CIZ1: variants seen among roughly 807,000 people sequenced by gnomAD.
CIZ1 encodes CDKN1A interacting zinc finger protein 1, also known as cip1-interacting zinc finger protein.
In CIZ1, 58 loss-of-function variants were observed where a neutral mutation model predicts 118.6. The observed-to-expected ratio is 0.49, with a 90% CI of 0.40 to 0.61. CIZ1 has a LOEUF of 0.61. CIZ1 is among the 20% of genes least tolerant of loss of function. The pLI is 0.00. For synonymous variants in CIZ1, 448 were observed against 443.4 expected, an observed-to-expected ratio of 1.01 and a Z score of -0.13; for missense variants, 921 against 1,115.9, an observed-to-expected ratio of 0.83 and a Z score of 2.49.
At chr9:128,180,693 T>A (rs45585631) in intron 6 of CIZ1, 28 bp downstream of exon 6, 5 of 1,543,758 alleles carry the variant, frequency 3.2e-6, no homozygotes, top group Non-Finnish European at 4.4e-6. Context: ...CATGTCCCTC[T>A]GAAGGGCCAG....
At chr9:128,182,310 G>A (rs1479264027) in intron 5 of CIZ1, among the ~76,000 whole-genome samples, 4 of 152,140 alleles carry the variant, frequency 2.6e-5, no homozygotes, top group East Asian at 3.9e-4. Context: ...TCTCGTCGCC[G>A]CACACAGGGA....
chr9:128,179,706 C>T (rs1831328672), intron 7 of CIZ1, among the ~76,000 whole-genome samples: 1 of 151,924 alleles, frequency 6.6e-6, no homozygotes, highest in South Asian at 2.1e-4. Context: ...GAGTTTCGCT[C>T]TTGTTGCCCA....
upstream of CIZ1, chr9:128,191,747 C>A: frequency 7.2e-7 from 1 of 1,394,814 alleles, no homozygotes; most frequent in Non-Finnish European, 9.3e-7. This position sits in a 1 kb window ranked among gnomAD's most constrained non-coding sequence, Gnocchi z 5.5. Flanking sequence ...GTCCCGCGTC[C>A]TCCGCATCGC....
chr9:128,182,345 G>A (rs1356847779), intron 5 of CIZ1, among the ~76,000 whole-genome samples: 1 of 152,138 alleles, frequency 6.6e-6, no homozygotes, highest in Non-Finnish European at 1.5e-5. Context: ...CTGTGGGGCT[G>A]GTCCCTACAG....
intron 1 of CIZ1, among the ~76,000 whole-genome samples, chr9:128,198,722 C>T (rs1833437038): frequency 6.6e-6 from 1 of 151,994 alleles, no homozygotes; most frequent in South Asian, 2.1e-4. Context: ...GTTCCAGCTA[C>T]TTGGGAGGCT....
In CIZ1 at chr9:128,203,783, TC is replaced by T. The variant is rs1486840066; in HGVS notation, c.-6+402del. ...ACCCCCAGCCGGAGCGAGGAGGCCC[TC>T]CCCCCACCACGAGAGCCCCTCGGGG... is the stretch of plus-strand genomic sequence containing the variant. On this transcript the variant is annotated intron_variant, in intron 1 of 17. Transcript: ENST00000372948. This position sits in a 1 kb window ranked among gnomAD's most constrained non-coding sequence, Gnocchi z 5.3. The T allele has an allele frequency of 8.6e-6, 5 of 580,972 alleles. No individual in the cohort carries two copies. The highest frequency in any genetic ancestry group is 1.1e-5 in the Non-Finnish European group (5 of 436,716). The allele number at this position is 580,972 out of a possible 1,614,324, so 36.0% of individuals were successfully genotyped here. A position where few individuals can be genotyped will look rare whatever the true frequency, so the allele number is the denominator to read the frequency against.
intron 5 of CIZ1, among the ~76,000 whole-genome samples, chr9:128,184,450 C>T (rs1043058316): frequency 2.0e-5 from 3 of 149,746 alleles, no homozygotes. Context: ...TTTTAAATTA[C>T]ATATATGGCT....
chr9:128,170,563 G>A (rs1830006539), intron 11 of CIZ1, among the ~76,000 whole-genome samples: 1 of 152,210 alleles, frequency 6.6e-6, no homozygotes, highest in Non-Finnish European at 1.5e-5. Context: ...GCTGGGGTGG[G>A]AGGATGGCTT....
chr9:128,191,713 G>A (rs1374357348), upstream of CIZ1: 39 of 1,313,368 alleles, frequency 3.0e-5, no homozygotes, highest in Non-Finnish European at 3.8e-5. This position sits in a 1 kb window ranked among gnomAD's most constrained non-coding sequence, Gnocchi z 5.5. Context: ...GGTGCGAGGG[G>A]GTCCTGGGCG....
At chr9:128,180,893 C>T (rs1286892968) in intron 5 of CIZ1, 79 bp from the exon 6 acceptor site, 2 of 1,058,132 alleles carry the variant, frequency 1.9e-6, no homozygotes, top group Admixed American at 2.0e-5. Context: ...AGCTGCCCCC[C>T]ATCCTCCAGG....
chr9:128,178,581 T>C (rs953407440), intron 8 of CIZ1, 91 bp from the exon 9 acceptor site: 55 of 1,599,730 alleles, frequency 3.4e-5, no homozygotes, highest in Non-Finnish European at 4.4e-5. Flanking sequence ...GCCCCCAGCA[T>C]GGATGGCCCT....
intron 14 of CIZ1, among the ~76,000 whole-genome samples, chr9:128,168,508 T>A (rs1327739807): frequency 7.7e-6 from 1 of 130,104 alleles, no homozygotes; most frequent in East Asian, 2.2e-4. Context: ...AGAGCGAGAC[T>A]CCGTCTTGAA....
At chr9:128,169,707 G>C (rs1333526094) in intron 12 of CIZ1, 188 bp from the exon 13 acceptor site, 12 of 1,536,014 alleles carry the variant, frequency 7.8e-6, no homozygotes, top group Non-Finnish European at 1.0e-5. Context: ...GTGGCTGAGA[G>C]ATAGGATGGC....
rs890154425 is a variant in CIZ1, at chr9:128,191,171, A to C, written c.-6+261T>G. ...GCTCCATCCTCCCACCCTCAGCCTC[A>C]GCCTCTCTCTGCGCCCATCACTTCC... On this transcript the variant is annotated intron_variant, in intron 1 of 16. Transcript: ENST00000372938. The surrounding 1 kb of genome is among the most constrained non-coding windows in gnomAD (Gnocchi z 5.5). 24 of 474,012 alleles carry C rather than the reference A, an allele frequency of 5.1e-5. No individual in the cohort carries two copies. Among genetic ancestry groups the C allele is most frequent in the Non-Finnish European group, 7.5e-5 (20 of 267,760 alleles). 29.4% of individuals were successfully genotyped at this position (474,012 alleles called of 1,614,324 possible).
Position 128,180,749 on chromosome 9 carries a change from G to T in CIZ1, c.654C>A (p.Ala218=). 6.2e-7 allele frequency: 1 copy of T among 1,609,390 alleles called. No individual in the cohort carries two copies. Among genetic ancestry groups the T allele is most frequent in the Non-Finnish European group, 8.5e-7 (1 of 1,178,712 alleles). Reference sequence around the variant, plus strand: ...CTGGTGTGTCCATCCGGGGCTCTGCGGCTTCCTCAGACCCCTCTGGGGGGT... The same window carrying T: ...CTGGTGTGTCCATCCGGGGCTCTGCTGCTTCCTCAGACCCCTCTGGGGGGT... ...KSDPPEGSEE[A]AEPRMDTPED... The change falls in exon 6 of 17, where the codon GCC becomes GCA. Residue 218 remains alanine, a synonymous_variant. Transcript: ENST00000372938.
intron 10 of CIZ1, 43 bp downstream of exon 10, chr9:128,177,523 C>T (rs1458821248): frequency 3.2e-6 from 4 of 1,242,914 alleles, no homozygotes; most frequent in South Asian, 3.9e-5. Flanking sequence ...GGGCATTCCA[C>T]GCAGGCCCCA....
At chr9:128,167,050 C>A (rs1438067398) in intron 15 of CIZ1, 45 bp downstream of exon 15, 2 of 1,580,824 alleles carry the variant, frequency 1.3e-6, no homozygotes, top group Admixed American at 1.8e-5. Flanking sequence ...AGGCTGGGCC[C>A]AAGGGCTGAA....
At chr9:128,187,801 G>T in intron 4 of CIZ1, 62 bp downstream of exon 4, 1 of 429,818 alleles carries the variant, frequency 2.3e-6, no homozygotes, top group East Asian at 3.9e-5. Context: ...GCTTCTTTTT[G>T]CCAACCAACT....
At chr9:128,174,161 G>A (rs1830577105) in intron 11 of CIZ1, among the ~76,000 whole-genome samples, 1 of 152,198 alleles carries the variant, frequency 6.6e-6, no homozygotes, top group African/African-American at 2.4e-5. Context: ...CCCCATTCCT[G>A]GGAACACCCC....
Sources: allele counts gnomAD v4.1 joint callset (sites outside exome capture counted in the v4.1 genomes callset), GRCh38; gene constraint gnomAD v4.1.1; non-coding constraint Gnocchi (gnomAD v3.1); transcripts MANE v1.5; gene names NCBI Gene and HGNC (gene_info 2026-07-23, HGNC 2026-07-21).